The following HECTD2 variants were observed in gnomAD, a reference collection of about 807,000 sequenced individuals.
The protein encoded by HECTD2 is HECT domain E3 ubiquitin protein ligase 2, also known as probable E3 ubiquitin-protein ligase HECTD2.
Under a neutral mutation model 103.2 loss-of-function variants are expected in HECTD2, and 35 were observed. The observed-to-expected ratio is 0.34, with a 90% CI of 0.26 to 0.45. HECTD2 has a LOEUF of 0.45. Ranked by LOEUF, HECTD2 falls within the 20% of genes least tolerant of loss-of-function variation. The probability of loss-of-function intolerance (pLI) is 1.00; values close to 1 mark genes in which losing one functional copy is unlikely to be tolerated. For synonymous variants in HECTD2, 281 were observed against 329.9 expected, an observed-to-expected ratio of 0.85 and a Z score of 1.61; for missense variants, 596 against 937.4, an observed-to-expected ratio of 0.64 and a Z score of 4.76.
chr10:91,510,189 GC>G (rs1297456704), intron 20 of HECTD2, among the ~76,000 whole-genome samples: 3 of 152,126 alleles, frequency 2.0e-5, no homozygotes, highest in African/African-American at 7.2e-5. Context: ...TATTCAGAAT[GC>G]TTTTTTCCCC....
At position 91,485,204 on chromosome 10, in the gene HECTD2, CT is replaced by C; in HGVS notation, c.996del (p.Ile335PhefsTer43). On this transcript the variant is annotated frameshift_variant, in exon 10 of 21. Transcript: ENST00000298068. LOFTEE classifies it high-confidence loss of function. ...GATACTGCAAACAATTTAGTTCACCCTCCCCTTATTCCTTATACTGATTTCT... is the reference window on the plus strand; with the variant it reads ...GATACTGCAAACAATTTAGTTCACCCCCCCTTATTCCTTATACTGATTTCT... ...LLNTANNLVH[P>X]PLIPYTDFYN... 6.4e-7 allele frequency: 1 copy of C among 1,563,768 alleles called. No individual in the cohort carries two copies.
At chr10:91,424,171 C>T (rs945313995) in intron 1 of HECTD2, among the ~76,000 whole-genome samples, 3 of 152,084 alleles carry the variant, frequency 2.0e-5, no homozygotes, top group Non-Finnish European at 2.9e-5. Context: ...GAGAGAAGAG[C>T]TAGAGTTTTG....
At chr10:91,461,221 T>C in intron 3 of HECTD2, 33 bp from the exon 4 acceptor site, 1 of 910,320 alleles carries the variant, frequency 1.1e-6, no homozygotes, top group Non-Finnish European at 1.7e-6. Flanking sequence ...AATATTTCTA[T>C]ATGTATATAC....
intron 7 of HECTD2, among the ~76,000 whole-genome samples, 195 bp from the exon 8 acceptor site, chr10:91,482,772 C>T (rs1386344060): frequency 1.3e-5 from 2 of 151,920 alleles, no homozygotes; most frequent in Non-Finnish European, 2.9e-5. Flanking sequence ...GTCTTAACTC[C>T]AAAGCCCATG....
At chr10:91,512,145 A>G (rs1847447280) in intron 20 of HECTD2, 119 bp from the exon 21 acceptor site, 2 of 1,061,402 alleles carry the variant, frequency 1.9e-6, no homozygotes, top group Non-Finnish European at 2.7e-6. Context: ...TGGATGAGTC[A>G]TCTCTTAACA....
chr10:91,508,895 C>T (rs922687274), intron 20 of HECTD2, among the ~76,000 whole-genome samples: 2 of 151,644 alleles, frequency 1.3e-5, no homozygotes, highest in African/African-American at 4.8e-5. Context: ...CAATGATAGA[C>T]TGGATTAAGA....
intron 20 of HECTD2, 67 bp from the exon 21 acceptor site, chr10:91,512,195 TAA>T: frequency 1.3e-6 from 2 of 1,517,158 alleles, no homozygotes; most frequent in Non-Finnish European, 1.8e-6. Context: ...TGGTATTTTT[TAA>T]AGTTGCATAG....
intron 2 of HECTD2, among the ~76,000 whole-genome samples, chr10:91,428,211 G>T (rs1374149268): frequency 6.6e-6 from 1 of 151,674 alleles, no homozygotes; most frequent in Non-Finnish European, 1.5e-5. Flanking sequence ...ATTTCTGAGG[G>T]CTCTGTTCCG....
Position 91,492,958 on chromosome 10 carries a change from T to C in HECTD2, c.1433-462T>C, listed in dbSNP as rs569508033. 1.6e-3 allele frequency among the ~76,000 whole-genome samples: 247 copies of C among 152,052 alleles called. 2 individuals carry two copies. Among genetic ancestry groups the C allele is most frequent in the Non-Finnish European group, 2.9e-3 (196 of 67,854 alleles). ...CAGAAACTACCTGTATAATCCTTACTATCTGTTAAACTTTTCAAAGGAGAA... is the reference window on the plus strand; with the variant it reads ...CAGAAACTACCTGTATAATCCTTACCATCTGTTAAACTTTTCAAAGGAGAA... On this transcript the variant is annotated intron_variant, in intron 13 of 20. Transcript: ENST00000298068.
chr10:91,409,610 AG>A (rs1310602516), upstream of HECTD2, among the ~76,000 whole-genome samples: 1 of 151,914 alleles, frequency 6.6e-6, no homozygotes, highest in East Asian at 1.9e-4. Flanking sequence ...CTATGGGGGA[AG>A]GGGAAAGGGG....
chr10:91,413,246 A>T (rs1378435390), intron 1 of HECTD2, among the ~76,000 whole-genome samples: 1 of 152,166 alleles, frequency 6.6e-6, no homozygotes, highest in Admixed American at 6.5e-5. Context: ...CTTTATGTTT[A>T]CAGAAAGGTA....
chr10:91,477,473 C>G (rs75494572), intron 5 of HECTD2, among the ~76,000 whole-genome samples: 2,448 of 152,148 alleles, frequency 0.016, 64 homozygotes, highest in African/African-American at 0.055. Flanking sequence ...GGGGCAAACA[C>G]TAAGTGGTTG....
At chr10:91,459,330 C>T (rs757393670) in intron 2 of HECTD2, among the ~76,000 whole-genome samples, 16 of 151,882 alleles carry the variant, frequency 1.1e-4, no homozygotes, top group Admixed American at 8.5e-4. Flanking sequence ...ATGCAACTGC[C>T]GTATATTTAC....
intron 20 of HECTD2, among the ~76,000 whole-genome samples, chr10:91,506,214 C>G (rs1293673436): frequency 2.0e-5 from 3 of 149,730 alleles, no homozygotes; most frequent in Admixed American, 6.6e-5. Flanking sequence ...ATTAAAAGAA[C>G]TAGAAAAGCA....
chr10:91,439,441 T>C lies in HECTD2; in HGVS notation c.268+14031T>C, dbSNP rs544660328. ...ATCCGGTTCCATTGGTCTATATATA[T>C]ATATCTGTTTTGGTACCAGTATCAT... On this transcript the variant is annotated intron_variant, in intron 2 of 20. Transcript: ENST00000298068. Among the ~76,000 whole-genome samples, 42 of 152,308 alleles carry C rather than the reference T, an allele frequency of 2.8e-4. No individual in the cohort carries two copies. In the South Asian group the frequency reaches 6.6e-3, roughly 24 times the overall value.
At chr10:91,440,053 T>A (rs1844334280) in intron 2 of HECTD2, among the ~76,000 whole-genome samples, 1 of 152,102 alleles carries the variant, frequency 6.6e-6, no homozygotes, top group South Asian at 2.1e-4. Flanking sequence ...CTTCCTCTCT[T>A]CCTATTTAAA....
chr10:91,451,777 G>C (rs1844840146), intron 2 of HECTD2, among the ~76,000 whole-genome samples: 1 of 152,130 alleles, frequency 6.6e-6, no homozygotes, highest in Non-Finnish European at 1.5e-5. Context: ...ATAGATGCTT[G>C]AATAGGAGGG....
intron 5 of HECTD2, among the ~76,000 whole-genome samples, chr10:91,475,744 TA>T (rs896625753): frequency 6.6e-6 from 1 of 152,162 alleles, no homozygotes; most frequent in African/African-American, 2.4e-5. Flanking sequence ...CTCAAATTGG[TA>T]AATTGGGTTA....
At chr10:91,429,554 G>C (rs1292766367) in intron 2 of HECTD2, among the ~76,000 whole-genome samples, 2 of 152,190 alleles carry the variant, frequency 1.3e-5, no homozygotes, top group Non-Finnish European at 2.9e-5. Context: ...CACAATTTCA[G>C]ATCCTGTTAT....
Sources: allele counts gnomAD v4.1 joint callset (sites outside exome capture counted in the v4.1 genomes callset), GRCh38; gene constraint gnomAD v4.1.1; transcripts MANE v1.5; gene names NCBI Gene and HGNC (gene_info 2026-07-23, HGNC 2026-07-21).